TENM3: variants seen among roughly 807,000 people sequenced by gnomAD.
TENM3 encodes teneurin-3.
TENM3 carries 63 observed loss-of-function variants against 255.1 expected under a neutral mutation model. That is an observed-to-expected ratio of 0.25 (90% CI 0.20 to 0.30). The LOEUF is 0.30. TENM3 is among the 10% of genes least tolerant of loss of function. TENM3 has a pLI of 1.00. For missense variants in TENM3, 2,929 were observed against 3,461.1 expected (o/e 0.85, Z 3.86); for synonymous variants, 1,306 against 1,322.3 (o/e 0.99, Z 0.27).
intron 24 of TENM3, among the ~76,000 whole-genome samples, chr4:182,787,396 G>C (rs1052047496): frequency 3.9e-5 from 6 of 152,150 alleles, no homozygotes; most frequent in Non-Finnish European, 7.3e-5. Context: ...ACACGGTGTT[G>C]TGGGGTTTTT....
At chr4:182,750,184 G>A (rs938296933) in intron 19 of TENM3, among the ~76,000 whole-genome samples, 1 of 152,144 alleles carries the variant, frequency 6.6e-6, no homozygotes, top group African/African-American at 2.4e-5. Flanking sequence ...GTTCTGAAAT[G>A]TTTTTCTTGC....
chr4:181,919,966 G>A, the TENM3 span, among the ~76,000 whole-genome samples: 1 of 141,434 alleles, frequency 7.1e-6, no homozygotes, highest in African/African-American at 2.7e-5. Flanking sequence ...TCCCACCTAT[G>A]AGTGAGAATA....
chr4:182,363,395 A>C (rs1474860979), intron 3 of TENM3, among the ~76,000 whole-genome samples: 4 of 151,936 alleles, frequency 2.6e-5, no homozygotes, highest in Admixed American at 2.0e-4. Flanking sequence ...ATGAATATGT[A>C]TATGTATATA....
the TENM3 span, among the ~76,000 whole-genome samples, chr4:182,014,773 G>A: frequency 1.2e-4 from 19 of 152,162 alleles, no homozygotes; most frequent in East Asian, 1.5e-3. Context: ...TACCAGGGGC[G>A]GCAGAGTCTT....
chr4:182,566,829 A>G (rs930724492), intron 3 of TENM3, among the ~76,000 whole-genome samples: 2 of 152,222 alleles, frequency 1.3e-5, no homozygotes, highest in Non-Finnish European at 2.9e-5. Context: ...TCTTCATAGC[A>G]GACGCACAGG....
At chr4:182,364,384 C>A (rs77915178) in intron 3 of TENM3, among the ~76,000 whole-genome samples, 5,500 of 152,148 alleles carry the variant, frequency 0.036, 163 homozygotes, top group African/African-American at 0.076. Context: ...AAAAAATAAA[C>A]ATTGCAACTT....
chr4:181,728,703 C>A, the TENM3 span, among the ~76,000 whole-genome samples: 1 of 152,128 alleles, frequency 6.6e-6, no homozygotes, highest in Non-Finnish European at 1.5e-5. Context: ...TTTTCTCAAC[C>A]AAGTCTTTGT....
chr4:182,774,077 A>G (rs1764484252), intron 23 of TENM3: 1 of 154,876 alleles, frequency 6.5e-6, no homozygotes, highest in African/African-American at 2.4e-5. Context: ...CCAACTACAC[A>G]TTCATGTAAT....
the TENM3 span, among the ~76,000 whole-genome samples, chr4:181,676,604 G>T: frequency 1.3e-5 from 2 of 151,768 alleles, no homozygotes; most frequent in Non-Finnish European, 2.9e-5. Context: ...CATTGGATTA[G>T]AATGGATCAT....
chr4:182,077,921 A>G, the TENM3 span, among the ~76,000 whole-genome samples: 1 of 152,124 alleles, frequency 6.6e-6, no homozygotes, highest in Admixed American at 6.6e-5. Flanking sequence ...TAATGTAACC[A>G]TATAATTTAT....
At chr4:182,378,583 C>A (rs1767342112) in intron 3 of TENM3, among the ~76,000 whole-genome samples, 1 of 152,096 alleles carries the variant, frequency 6.6e-6, no homozygotes, top group Admixed American at 6.6e-5. Context: ...GCAAAGACCC[C>A]AGGAGTGCAA....
chr4:182,680,432 A>G, intron 9 of TENM3, 83 bp downstream of exon 9: 1 of 1,055,230 alleles, frequency 9.5e-7, no homozygotes, highest in Admixed American at 1.9e-5. Context: ...CGAGACAGGA[A>G]AGAAAGGGGG....
rs115260249 is a variant in TENM3 at position 182,497,585 on chromosome 4, A to G, written c.512-103339A>G. Among the ~76,000 whole-genome samples the G allele has an allele frequency of 3.6e-3, 554 of 152,232 alleles. 3 individuals are homozygous for G. The highest frequency in any genetic ancestry group is 0.011 in the African/African-American group (463 of 41,540). ...ATACAACTGGCAGTTTTCCTCATCAATTCAAACAGGCAGTGAGCTTTGGAT... is the reference window on the plus strand; with the variant it reads ...ATACAACTGGCAGTTTTCCTCATCAGTTCAAACAGGCAGTGAGCTTTGGAT... On this transcript the variant is annotated intron_variant, in intron 3 of 27. Transcript: ENST00000511685.
chr4:181,732,892 T>C, the TENM3 span, among the ~76,000 whole-genome samples: 3 of 152,194 alleles, frequency 2.0e-5, no homozygotes, highest in African/African-American at 7.2e-5. Context: ...TGTATAGACG[T>C]TAATTTATTT....
intron 3 of TENM3, among the ~76,000 whole-genome samples, chr4:182,417,565 T>C (rs965784723): frequency 2.7e-4 from 41 of 152,310 alleles, no homozygotes; most frequent in Non-Finnish European, 4.1e-4. Flanking sequence ...TAAAATACAT[T>C]GATTATTTAA....
At chr4:181,824,751 A>C in the TENM3 span, among the ~76,000 whole-genome samples, 2 of 152,086 alleles carry the variant, frequency 1.3e-5, no homozygotes, top group East Asian at 3.9e-4. Context: ...ACCTACAACA[A>C]TGGAAAAAAA....
At chr4:181,785,038 A>G in the TENM3 span, among the ~76,000 whole-genome samples, 662 of 152,304 alleles carry the variant, frequency 4.3e-3, 1 homozygote, top group Middle Eastern at 0.02. Flanking sequence ...GAGTATGGGA[A>G]TGCAGGAAGG....
At chr4:182,612,389 T>C (rs9998727) in intron 4 of TENM3, among the ~76,000 whole-genome samples, 21,928 of 152,006 alleles carry the variant, frequency 0.14, 2,083 homozygotes, top group African/African-American at 0.25. Flanking sequence ...GGTGACAGCA[T>C]CACTGTCAAC....
At chr4:182,757,311 CAAAAAAAAAAAAA>C (rs10571604) in intron 22 of TENM3, among the ~76,000 whole-genome samples, 3 of 53,608 alleles carry the variant, frequency 5.6e-5, no homozygotes, top group African/African-American at 1.6e-4. Flanking sequence ...GACTCCGTCT[CAAAAAAAAAAAAA>C]AAAAAAAAAA....
Sources: gnomAD v4.1 joint callset for allele counts (sites outside exome capture counted in the v4.1 genomes callset) on GRCh38, gnomAD v4.1.1 for gene constraint, MANE v1.5 for transcripts, NCBI Gene and HGNC (gene_info 2026-07-23, HGNC 2026-07-21) for gene names.